The following GRM5 variants were observed in gnomAD, a reference collection of about 807,000 sequenced individuals.
GRM5 encodes the protein metabotropic glutamate receptor 5.
GRM5 carries 19 observed loss-of-function variants against 83.1 expected under a neutral mutation model. That is an observed-to-expected ratio of 0.23 (90% confidence interval 0.16 to 0.34). GRM5 has a LOEUF of 0.34. GRM5 is among the 10% of genes least tolerant of loss of function. The pLI is 1.00. For missense variants in GRM5, 1,160 were observed against 1,588.3 expected (o/e 0.73, Z 4.58); for synonymous variants, 675 against 633.6 (o/e 1.07, Z -0.98).
chr11:88,940,782 T>C (rs1367162438), intron 2 of GRM5, among the ~76,000 whole-genome samples: 4 of 151,930 alleles, frequency 2.6e-5, no homozygotes, highest in African/African-American at 7.2e-5. Flanking sequence ...TCTGAGTATA[T>C]TGAAAAAAAG....
intron 2 of GRM5, among the ~76,000 whole-genome samples, chr11:88,870,471 C>A (rs1944745550): frequency 1.3e-5 from 2 of 151,132 alleles, no homozygotes; most frequent in African/African-American, 2.4e-5. Flanking sequence ...AGGTCACAGA[C>A]AACAGAAAGC....
At chr11:88,630,574 A>AC (rs57754831) in intron 4 of GRM5, among the ~76,000 whole-genome samples, 1,040 of 15,958 alleles carry the variant, frequency 0.065, 14 homozygotes, top group East Asian at 0.12. Flanking sequence ...CACACACACA[A>AC]ACACACACAC....
chr11:88,830,978 G>A (rs990692560), intron 3 of GRM5, among the ~76,000 whole-genome samples: 1 of 152,034 alleles, frequency 6.6e-6, no homozygotes, highest in South Asian at 2.1e-4. Context: ...CATGAGAACA[G>A]CATGGGAAAG....
chr11:88,583,061 A>G (rs1157710787), intron 7 of GRM5, among the ~76,000 whole-genome samples: 2 of 152,136 alleles, frequency 1.3e-5, no homozygotes, highest in African/African-American at 4.8e-5. Context: ...AATAATTGGA[A>G]ATGAAAAGAA....
chr11:89,058,913 T>C (rs1273131727), intron 1 of GRM5, among the ~76,000 whole-genome samples: 1 of 137,516 alleles, frequency 7.3e-6, no homozygotes, highest in Non-Finnish European at 1.5e-5. Flanking sequence ...GATTTTTCAT[T>C]TTATTTATTT....
chr11:88,637,030 T>A (rs1395875847), intron 4 of GRM5, among the ~76,000 whole-genome samples: 2 of 152,182 alleles, frequency 1.3e-5, no homozygotes, highest in Non-Finnish European at 2.9e-5. Flanking sequence ...GACTTGGCAA[T>A]GCGGGCTCTT....
intron 4 of GRM5, among the ~76,000 whole-genome samples, chr11:88,607,579 A>T (rs1938191593): frequency 6.6e-6 from 1 of 152,170 alleles, no homozygotes; most frequent in African/African-American, 2.4e-5. Flanking sequence ...CTTTTTTCTC[A>T]TTACTAAAAG....
At chr11:88,931,545 G>A (rs1937706443) in intron 2 of GRM5, among the ~76,000 whole-genome samples, 1 of 152,058 alleles carries the variant, frequency 6.6e-6, no homozygotes, top group African/African-American at 2.4e-5. Flanking sequence ...AGGCAAAGAA[G>A]AAACCAAAAG....
intron 1 of GRM5, among the ~76,000 whole-genome samples, chr11:89,064,888 C>CTCTCTGTGTGTGTGTG (rs1218318990): frequency 8.0e-4 from 50 of 62,240 alleles, no homozygotes; most frequent in African/African-American, 3.2e-3. Flanking sequence ...CTCTCTCTCT[C>CTCTCTGTGTGTGTGTG]TGTGTGTGTG....
chr11:88,797,134 G>GTTGT lies in GRM5; in HGVS notation c.911+52768_911+52771dup, dbSNP rs758040429. On this transcript the variant is annotated intron_variant, in intron 3 of 9. Coordinates refer to ENST00000305447, the MANE Select transcript of GRM5 (RefSeq NM_001143831.3). The stretch of plus-strand genomic sequence containing the variant: ...AGACTGGATTCTTTTACTTGTTGTT[G>GTTGT]TTGTTTGTTTTGTTTTTTGTTTTTG... Among the ~76,000 whole-genome samples, 3 of 151,846 alleles carry GTTGT rather than the reference G, an allele frequency of 2.0e-5. No individual in the cohort carries two copies. The East Asian group carries it at 5.8e-4, about 29-fold the overall frequency.
At chr11:89,065,206 C>T (rs916454192) in intron 1 of GRM5, among the ~76,000 whole-genome samples, 8 of 151,632 alleles carry the variant, frequency 5.3e-5, no homozygotes, top group African/African-American at 1.9e-4. Flanking sequence ...CATTAGCTCC[C>T]TCAAACACCT....
intron 4 of GRM5, among the ~76,000 whole-genome samples, chr11:88,651,058 G>T (rs957306254): frequency 6.6e-6 from 1 of 151,954 alleles, no homozygotes; most frequent in Non-Finnish European, 1.5e-5. Context: ...CTGCAGTAAA[G>T]AACAGATTCT....
At chr11:88,532,421 T>C (rs1942034098) in intron 8 of GRM5, among the ~76,000 whole-genome samples, 1 of 152,190 alleles carries the variant, frequency 6.6e-6, no homozygotes, top group Non-Finnish European at 1.5e-5. Flanking sequence ...ACTATAGTCA[T>C]ATGACAAGTC....
rs114098856 is a variant in GRM5 at position 88,578,275 on chromosome 11, T to C, written c.1691-10283A>G. Among the ~76,000 whole-genome samples, 1,122 of 152,274 alleles carry C rather than the reference T, an allele frequency of 7.4e-3. 11 individuals carry two copies. The highest frequency in any genetic ancestry group is 0.026 in the African/African-American group (1,084 of 41,564). On this transcript the variant is annotated intron_variant, in intron 7 of 9. Transcript: ENST00000305447. The stretch of plus-strand genomic sequence containing the variant: ...TATCTGCTTCATATTACTCATATAA[T>C]ATATCAATGCTTTGTGAAGCATTTT...
At chr11:88,903,118 G>C (rs1293358653) in intron 2 of GRM5, among the ~76,000 whole-genome samples, 1 of 152,098 alleles carries the variant, frequency 6.6e-6, no homozygotes, top group East Asian at 1.9e-4. Flanking sequence ...AAGAGGGATA[G>C]ATCTGTAATT....
At chr11:88,645,532 A>G (rs1225384239) in intron 4 of GRM5, among the ~76,000 whole-genome samples, 1 of 152,118 alleles carries the variant, frequency 6.6e-6, no homozygotes, top group East Asian at 1.9e-4. Flanking sequence ...GATGAGGCAT[A>G]AAGAATATAA....
rs149588612 is a variant in GRM5, at chr11:88,586,479, C to T, written c.1690+4122G>A. On this transcript the variant is annotated intron_variant, in intron 7 of 9. Transcript: ENST00000305447. ...GGTTGTTATTATCACAATGAAGGCA[C>T]TGACCCAAAGGTAACTTGAGCTGTC... is the stretch of plus-strand genomic sequence containing the variant. 7.3e-3 allele frequency among the ~76,000 whole-genome samples: 1,116 copies of T among 152,270 alleles called. 11 individuals carry two copies. The highest frequency in any genetic ancestry group is 0.026 in the African/African-American group (1,078 of 41,556).
At chr11:89,024,493 T>G (rs1270260626) in intron 2 of GRM5, among the ~76,000 whole-genome samples, 1 of 152,234 alleles carries the variant, frequency 6.6e-6, no homozygotes, top group East Asian at 1.9e-4. Context: ...AATTCATTTT[T>G]AATTTGCTTC....
intron 3 of GRM5, among the ~76,000 whole-genome samples, chr11:88,686,126 T>G (rs1940616647): frequency 6.6e-6 from 1 of 152,140 alleles, no homozygotes; most frequent in Non-Finnish European, 1.5e-5. Context: ...GGCTGTACCC[T>G]GCAAAGCAAC....
Sources: allele counts gnomAD v4.1 joint callset (sites outside exome capture counted in the v4.1 genomes callset), GRCh38; gene constraint gnomAD v4.1.1; transcripts MANE v1.5; gene names NCBI Gene and HGNC (gene_info 2026-07-23, HGNC 2026-07-21).